The following MAL variants were observed in gnomAD, a reference collection of about 807,000 sequenced individuals.
MAL encodes myelin and lymphocyte protein.
MAL carries 5 observed loss-of-function variants against 16.7 expected under a neutral mutation model. The ratio of observed to expected loss-of-function variants is 0.30; its 90% CI spans 0.16 to 0.63. MAL has a LOEUF of 0.63. MAL is among the 30% of genes least tolerant of loss of function. The pLI, the probability that MAL is intolerant of heterozygous loss-of-function variation, is 0.82. For synonymous variants in MAL, 96 were observed against 85.5 expected (o/e 1.12, Z -0.67); for missense variants, 202 against 195.8 (o/e 1.03, Z -0.19).
chr2:95,045,576 C>T (rs563548712), intron 1 of MAL, among the ~76,000 whole-genome samples: 10 of 152,348 alleles, frequency 6.6e-5, no homozygotes, highest in Admixed American at 1.3e-4. Context: ...ACAGAGAAGA[C>T]GTGCAGGACT....
chr2:95,052,397 C>G (rs1307728989), intron 3 of MAL, among the ~76,000 whole-genome samples: 1 of 152,194 alleles, frequency 6.6e-6, no homozygotes, highest in African/African-American at 2.4e-5. Flanking sequence ...TGGTGTCTGA[C>G]TGCTCCTGCC....
Position 95,053,448 on chromosome 2 carries a change from C to A in MAL, c.455C>A (p.Ser152Tyr), listed in dbSNP as rs758986088. Reference protein sequence around the residue: ...HAVFSLIRWKSS With the variant: ...HAVFSLIRWKYS ...GTGTTCTCTTTAATCAGATGGAAGT[C>A]TTCATAAAGCCGCAGTAGAACTTGA... Residue 152 changes from serine (S) to tyrosine (Y), a missense_variant, in exon 4 of 4, where the codon TCT becomes TAT. Transcript: ENST00000309988. 1 of 1,612,422 alleles carries A rather than the reference C, an allele frequency of 6.2e-7. No homozygotes were observed. The highest frequency in any genetic ancestry group is 8.5e-7 in the Non-Finnish European group (1 of 1,178,480).
chr2:95,043,072 T>C (rs1369449901), intron 1 of MAL, among the ~76,000 whole-genome samples: 1 of 152,222 alleles, frequency 6.6e-6, no homozygotes, highest in Non-Finnish European at 1.5e-5. Context: ...TGCCCAGCCT[T>C]CAGCCTCCAA....
intron 1 of MAL, among the ~76,000 whole-genome samples, chr2:95,033,091 G>T (rs1326067937): frequency 1.3e-5 from 2 of 152,108 alleles, no homozygotes; most frequent in Non-Finnish European, 2.9e-5. Context: ...GAGGGGAGGG[G>T]CTGGAAGGGC....
rs756706491 is a variant in MAL at position 95,048,089 on chromosome 2, T to A, written c.224T>A (p.Ile75Asn). 1 of 1,613,852 alleles carries A rather than the reference T, an allele frequency of 6.2e-7. No individual in the cohort carries two copies. Among genetic ancestry groups the A allele is most frequent in the African/African-American group, 1.3e-5 (1 of 75,008 alleles). ...ACCACCTTGATCATCCTGTACATAA[T>A]TGGAGCCCACGGTGGAGAGACTTCC... ...ATTTLIILYI[I>N]GAHGGETSWV... The change falls in exon 2 of 4, where the codon ATT (isoleucine) becomes AAT (asparagine). Residue 75 changes from isoleucine (I) to asparagine (N), a missense_variant. Physicochemically the swap from Ile to Asn is moderately radical, Grantham distance 149. Coordinates refer to ENST00000309988, the MANE Select transcript of MAL (RefSeq NM_002371.4).
chr2:95,047,300 G>T, intron 1 of MAL, among the ~76,000 whole-genome samples: 1 of 152,204 alleles, frequency 6.6e-6, no homozygotes, highest in South Asian at 2.1e-4. Flanking sequence ...CTGGCAAACA[G>T]GTCAGCATTG....
At chr2:95,030,380 G>A (rs192041175) in intron 1 of MAL, among the ~76,000 whole-genome samples, 218 of 152,242 alleles carry the variant, frequency 1.4e-3, no homozygotes, top group Non-Finnish European at 2.4e-3. Flanking sequence ...TTTGCTTCTC[G>A]TCTGCTCCCC....
At chr2:95,036,538 G>A (rs1370181600) in intron 1 of MAL, among the ~76,000 whole-genome samples, 1 of 152,262 alleles carries the variant, frequency 6.6e-6, no homozygotes, top group Non-Finnish European at 1.5e-5. Context: ...GTCTTTGAAT[G>A]AGATCCATTT....
rs1472964112 is a variant in MAL at position 95,046,060 on chromosome 2, A to G, written c.94-1899A>G. 2.0e-5 allele frequency among the ~76,000 whole-genome samples: 3 copies of G among 152,220 alleles called. No homozygotes were observed. The East Asian group carries it at 5.8e-4, about 29-fold the overall frequency. On this transcript the variant is annotated intron_variant, in intron 1 of 3. Coordinates refer to ENST00000309988, the MANE Select transcript of MAL (RefSeq NM_002371.4). The stretch of plus-strand genomic sequence containing the variant: ...ATTCCTTAGGGACAACTTGGTTTTA[A>G]TAAATCCAAAGTCTTCATTGCACTG...
intron 1 of MAL, among the ~76,000 whole-genome samples, chr2:95,040,599 G>T (rs1674437618): frequency 6.6e-6 from 1 of 152,164 alleles, no homozygotes; most frequent in African/African-American, 2.4e-5. Flanking sequence ...ACCCTTGGCT[G>T]CTAAGACGAC....
intron 1 of MAL, among the ~76,000 whole-genome samples, chr2:95,046,235 A>T (rs1286867952): frequency 6.6e-6 from 1 of 152,180 alleles, no homozygotes; most frequent in Non-Finnish European, 1.5e-5. Context: ...AATTCAAACC[A>T]CAGGGGACAT....
rs543746614 is a variant in MAL, at chr2:95,037,492, G to C, written c.94-10467G>C. On this transcript the variant is annotated intron_variant, in intron 1 of 3. Coordinates refer to ENST00000309988, the MANE Select transcript of MAL (RefSeq NM_002371.4). ...ACTGAGTGACTGAGTGACTGAGTGA[G>C]TGACTGAGTGACTGAGTGAGTGAGT... 1.1e-4 allele frequency among the ~76,000 whole-genome samples: 16 copies of C among 151,372 alleles called. 1 individual carries two copies. The South Asian group carries it at 3.4e-3, about 32-fold the overall frequency.
chr2:95,040,243 A>G (rs567392358), intron 1 of MAL, among the ~76,000 whole-genome samples: 1 of 152,198 alleles, frequency 6.6e-6, no homozygotes, highest in East Asian at 1.9e-4. Flanking sequence ...ATGCGGCACC[A>G]TACACATACA....
Position 95,025,818 on chromosome 2 carries a change from G to C in MAL, c.26G>C (p.Gly9Ala). ...ATGGCCCCCGCAGCGGCGACGGGGG[G>C]CAGCACCCTGCCCAGTGGCTTCTCG... MAPAAATGGSTLPSGFSVF... is the reference protein window; with the variant it reads MAPAAATGASTLPSGFSVF... Residue 9 changes from glycine to alanine, a missense_variant, in exon 1 of 4, where the codon GGC becomes GCC. Transcript: ENST00000309988. This position sits in a 1 kb window ranked among gnomAD's most constrained non-coding sequence, Gnocchi z 5.6. 2 of 1,570,570 alleles carry C rather than the reference G, an allele frequency of 1.3e-6. No individual in the cohort carries two copies. Among genetic ancestry groups the C allele is most frequent in the Non-Finnish European group, 1.7e-6 (2 of 1,158,946 alleles).
At chr2:95,042,072 C>T (rs1674480442) in intron 1 of MAL, among the ~76,000 whole-genome samples, 1 of 152,134 alleles carries the variant, frequency 6.6e-6, no homozygotes, top group Non-Finnish European at 1.5e-5. Context: ...AGAGGAAACC[C>T]AAGGACGAGC....
At chr2:95,048,251 C>A in intron 2 of MAL, 125 bp downstream of exon 2, 1 of 1,070,102 alleles carries the variant, frequency 9.3e-7, no homozygotes, top group Non-Finnish European at 1.4e-6. Context: ...CCACCATGTT[C>A]CAAGGCTGAG....
intron 1 of MAL, among the ~76,000 whole-genome samples, chr2:95,039,451 AGTGAGTGAGTGG>A (rs1402640246): frequency 1.4e-5 from 2 of 147,994 alleles, no homozygotes; most frequent in Non-Finnish European, 3.0e-5. Context: ...TGAGTGAGTG[AGTGAGTGAGTGG>A]GTGAGTGAGT....
intron 3 of MAL, among the ~76,000 whole-genome samples, chr2:95,051,195 A>G (rs1001357455): frequency 1.3e-5 from 2 of 152,204 alleles, no homozygotes; most frequent in African/African-American, 2.4e-5. Flanking sequence ...TTTACCTTTT[A>G]TCAAAGGCAG....
At chr2:95,037,560 C>CTGAGTGAGTGAGTGAGTGAG (rs1199461903) in intron 1 of MAL, among the ~76,000 whole-genome samples, 3 of 90,966 alleles carry the variant, frequency 3.3e-5, no homozygotes, top group Admixed American at 1.1e-4. Context: ...GAGTGAGTGA[C>CTGAGTGAGTGAGTGAGTGAG]TGAGTGAGTG....
Sources: gnomAD v4.1 joint callset for allele counts (sites outside exome capture counted in the v4.1 genomes callset) on GRCh38, gnomAD v4.1.1 for gene constraint, Gnocchi (gnomAD v3.1) non-coding constraint, MANE v1.5 for transcripts, NCBI Gene and HGNC (gene_info 2026-07-23, HGNC 2026-07-21) for gene names.